The following PUS7 variants were observed in gnomAD, a reference collection of about 807,000 sequenced individuals.
PUS7 encodes the protein pseudouridine synthase 7, also known as pseudouridylate synthase 7 homolog.
A neutral mutation model predicts 79.8 loss-of-function variants in PUS7; 48 were observed. The observed-to-expected ratio is 0.60, with a 90% CI of 0.48 to 0.76. The LOEUF is 0.76. Ranked by LOEUF, PUS7 falls within the 30% of genes least tolerant of loss-of-function variation. The pLI is 0.00. For synonymous variants in PUS7, 286 were observed against 272.2 expected, an observed-to-expected ratio of 1.05 and a Z score of -0.50; for missense variants, 729 against 797.6, an observed-to-expected ratio of 0.91 and a Z score of 1.04.
At chr7:105,459,675 T>C (rs1226682869) in intron 14 of PUS7, among the ~76,000 whole-genome samples, 1 of 151,792 alleles carries the variant, frequency 6.6e-6, no homozygotes, top group Non-Finnish European at 1.5e-5. Context: ...TGACCTCAGG[T>C]GATCCACCCG....
chr7:105,465,773 C>T (rs546943391), intron 12 of PUS7, among the ~76,000 whole-genome samples: 5 of 152,042 alleles, frequency 3.3e-5, no homozygotes, highest in East Asian at 3.9e-4. Flanking sequence ...GCGGAGGTTG[C>T]GGTGAGCTGA....
At chr7:105,509,853 T>C (rs1401368188) in intron 1 of PUS7, among the ~76,000 whole-genome samples, 2 of 152,062 alleles carry the variant, frequency 1.3e-5, no homozygotes, top group African/African-American at 4.8e-5. Context: ...TGTAGCAACA[T>C]TGACAAGAAA....
chr7:105,467,939 CT>C (rs113145205), intron 12 of PUS7, among the ~76,000 whole-genome samples: 4,722 of 147,044 alleles, frequency 0.032, 253 homozygotes, highest in African/African-American at 0.11. Flanking sequence ...CTAGACATCT[CT>C]TTTTTTTTTT....
At chr7:105,459,332 T>C in intron 14 of PUS7, 73 bp from the exon 15 acceptor site, 1 of 902,166 alleles carries the variant, frequency 1.1e-6, no homozygotes. Flanking sequence ...TCATCATCAT[T>C]TATTTAGCAA....
intron 5 of PUS7, among the ~76,000 whole-genome samples, chr7:105,500,459 G>A (rs1000617569): frequency 2.4e-4 from 36 of 152,172 alleles, no homozygotes; most frequent in African/African-American, 8.2e-4. Context: ...CACAAAACCC[G>A]GCATCCTAAG....
intron 1 of PUS7, among the ~76,000 whole-genome samples, chr7:105,515,040 C>G (rs144732070): frequency 0.14 from 20,904 of 152,180 alleles, 1,864 homozygotes; most frequent in South Asian, 0.26. Flanking sequence ...GTGATCTGCC[C>G]GCCTTGGCCT....
chr7:105,466,333 C>A (rs1823643134), intron 12 of PUS7, among the ~76,000 whole-genome samples: 1 of 152,064 alleles, frequency 6.6e-6, no homozygotes, highest in Admixed American at 6.6e-5. Context: ...TTAAGGTTCA[C>A]TGCAGCCTCA....
chr7:105,497,050 G>T (rs1825065725), intron 5 of PUS7: 1 of 1,021,808 alleles, frequency 9.8e-7, no homozygotes, highest in Non-Finnish European at 1.2e-6. Flanking sequence ...AGGTGAACAT[G>T]CAAATGATCG....
chr7:105,512,880 C>T (rs553954962), intron 1 of PUS7, among the ~76,000 whole-genome samples: 3 of 152,184 alleles, frequency 2.0e-5, no homozygotes, highest in Non-Finnish European at 1.5e-5. Flanking sequence ...CAGAAAAAGG[C>T]GACTTTCAAG....
chr7:105,492,961 A>G (rs1824858951), intron 6 of PUS7, among the ~76,000 whole-genome samples: 1 of 152,202 alleles, frequency 6.6e-6, no homozygotes, highest in Admixed American at 6.5e-5. Flanking sequence ...CTTTCTTAGC[A>G]GTGTAAACAT....
chr7:105,511,126 G>A (rs922286344), intron 1 of PUS7, among the ~76,000 whole-genome samples: 1 of 151,436 alleles, frequency 6.6e-6, no homozygotes, highest in African/African-American at 2.4e-5. Context: ...CCGCCTCCCA[G>A]GTTCACACCA....
chr7:105,468,259 A>C (rs1823737334), intron 12 of PUS7, 78 bp downstream of exon 12: 2 of 1,535,506 alleles, frequency 1.3e-6, no homozygotes, highest in East Asian at 2.3e-5. Context: ...ATTAATAGCC[A>C]GGATGGATTT....
chr7:105,500,983 GT>G (rs1176443084), intron 5 of PUS7, among the ~76,000 whole-genome samples: 1 of 152,180 alleles, frequency 6.6e-6, no homozygotes, highest in Non-Finnish European at 1.5e-5. Context: ...TCTTTACAGT[GT>G]TCACTGAAAA....
intron 12 of PUS7, among the ~76,000 whole-genome samples, chr7:105,465,793 A>G (rs1471048527): frequency 6.6e-6 from 1 of 152,114 alleles, no homozygotes; most frequent in African/African-American, 2.4e-5. Flanking sequence ...AGATCAAGCC[A>G]TTGCACTCCA....
intron 11 of PUS7, among the ~76,000 whole-genome samples, chr7:105,469,089 G>T (rs1380844072): frequency 6.6e-6 from 1 of 151,388 alleles, no homozygotes; most frequent in Non-Finnish European, 1.5e-5. Context: ...TTTCTTTCTA[G>T]AGACAGGGTT....
At chr7:105,467,294 C>T (rs1174113176) in intron 12 of PUS7, among the ~76,000 whole-genome samples, 1 of 129,634 alleles carries the variant, frequency 7.7e-6, no homozygotes, top group Non-Finnish European at 1.7e-5. Flanking sequence ...AGAAACTCTT[C>T]TTTTTTTTTT....
intron 12 of PUS7, among the ~76,000 whole-genome samples, chr7:105,466,165 A>G (rs1823636362): frequency 6.1e-4 from 2 of 3,294 alleles, no homozygotes; most frequent in South Asian, 0.33. Context: ...CTCAAAGGAA[A>G]AAAAAAAAAA....
At position 105,468,245 on chromosome 7, in the gene PUS7, CTTAA is replaced by C. The variant is rs1016825552; in HGVS notation, c.1525+88_1525+91del. On this transcript the variant is annotated intron_variant, in intron 12 of 15. Transcript: ENST00000469408. ...ACCGTGCCTCACCACATCTCTCTTT[CTTAA>C]TTAATAGCCAGGATGGATTTTAAAG... The C allele has an allele frequency of 4.7e-6, 7 of 1,503,912 alleles. No individual in the cohort carries two copies. In the Admixed American group the frequency reaches 6.3e-5, roughly 13 times the overall value. The allele number at this position is 1,503,912 out of a possible 1,614,324, so 93.2% of individuals were successfully genotyped here.
At chr7:105,500,100 A>C (rs1250940476) in intron 5 of PUS7, among the ~76,000 whole-genome samples, 1 of 152,172 alleles carries the variant, frequency 6.6e-6, no homozygotes, top group Non-Finnish European at 1.5e-5. Flanking sequence ...TCTTTGAAGA[A>C]ATGTCACAAC....
Sources: gnomAD v4.1 joint callset for allele counts (sites outside exome capture counted in the v4.1 genomes callset) on GRCh38, gnomAD v4.1.1 for gene constraint, MANE v1.5 for transcripts, NCBI Gene and HGNC (gene_info 2026-07-23, HGNC 2026-07-21) for gene names.